PUS10: variants seen among roughly 807,000 people sequenced by gnomAD.
PUS10 encodes pseudouridine synthase 10.
Under a neutral mutation model 75.0 loss-of-function variants are expected in PUS10, and 59 were observed. The observed-to-expected ratio is 0.79, with a 90% CI of 0.64 to 0.98. PUS10 has a LOEUF of 0.98. Ranked by LOEUF, PUS10 falls within the 50% of genes least tolerant of loss-of-function variation. PUS10 has a pLI of 0.00. For missense variants in PUS10, 650 were observed against 614.4 expected, an observed-to-expected ratio of 1.06 and a Z score of -0.61; for synonymous variants, 219 against 211.6, an observed-to-expected ratio of 1.03 and a Z score of -0.30.
chr2:60,976,849 T>C (rs1225628044), intron 4 of PUS10, among the ~76,000 whole-genome samples: 1 of 152,218 alleles, frequency 6.6e-6, no homozygotes, highest in African/African-American at 2.4e-5. Context: ...TGATAAATGT[T>C]CTGTCCCTTA....
chr2:60,971,594 G>A (rs1005504603), intron 4 of PUS10, 37 bp from the exon 5 acceptor site: 4 of 1,596,280 alleles, frequency 2.5e-6, no homozygotes, highest in African/African-American at 2.7e-5. Context: ...AAGAGAAAAG[G>A]GGGAAACATG....
At chr2:61,001,422 G>T (rs1042109783) in intron 4 of PUS10, among the ~76,000 whole-genome samples, 1 of 151,936 alleles carries the variant, frequency 6.6e-6, no homozygotes, top group African/African-American at 2.4e-5. Flanking sequence ...GACTACAGGT[G>T]CACACCACCA....
chr2:61,007,122 T>A (rs1240984350), intron 3 of PUS10, among the ~76,000 whole-genome samples: 1 of 151,942 alleles, frequency 6.6e-6, no homozygotes, highest in Non-Finnish European at 1.5e-5. Context: ...TTTTCTTCAA[T>A]TAAATAGCAC....
In PUS10 at chr2:60,942,260, A is replaced by G. The variant is rs1674663326; in HGVS notation, c.*135T>C. On this transcript the variant is annotated 3_prime_UTR_variant, in exon 18 of 18. Coordinates refer to ENST00000316752, the MANE Select transcript of PUS10 (RefSeq NM_144709.4). Reference sequence around the variant, plus strand: ...CCTGAGATGTTACAACAAATTAACAATTATATAGATCAACATGATCCAAAT... The same window carrying G: ...CCTGAGATGTTACAACAAATTAACAGTTATATAGATCAACATGATCCAAAT... The G allele has an allele frequency of 1.4e-6, 1 of 735,502 alleles. No homozygotes were observed. The highest frequency in any genetic ancestry group is 2.5e-5 in the East Asian group (1 of 40,656). The allele number at this position is 735,502 out of a possible 1,614,324, so 45.6% of individuals were successfully genotyped here. A position where few individuals can be genotyped will look rare whatever the true frequency, so the allele number is the denominator to read the frequency against.
chr2:60,983,580 G>A (rs1158884162), intron 4 of PUS10, among the ~76,000 whole-genome samples: 1 of 151,944 alleles, frequency 6.6e-6, no homozygotes, highest in Non-Finnish European at 1.5e-5. Flanking sequence ...AGAAAGCTGA[G>A]GCAGGAGAAT....
chr2:60,960,167 A>AG (rs1303208817), intron 11 of PUS10, among the ~76,000 whole-genome samples: 4 of 149,904 alleles, frequency 2.7e-5, no homozygotes, highest in African/African-American at 9.9e-5. Flanking sequence ...AAAAAAAAAA[A>AG]AAGAGAGAGA....
At chr2:60,961,996 C>T (rs1363674915) in intron 9 of PUS10, among the ~76,000 whole-genome samples, 2 of 152,298 alleles carry the variant, frequency 1.3e-5, no homozygotes, top group Non-Finnish European at 2.9e-5. Flanking sequence ...AGAAAACTTA[C>T]AGTAATATTT....
At chr2:60,971,865 C>CTTTTTT (rs756222357) in intron 4 of PUS10, among the ~76,000 whole-genome samples, 51 of 99,594 alleles carry the variant, frequency 5.1e-4, no homozygotes, top group Non-Finnish European at 6.0e-4. Flanking sequence ...TCTTTCTTCT[C>CTTTTTT]TTTTTTTTTT....
rs1680105284 is a variant in PUS10 at position 61,017,776 on chromosome 2, C to T, written c.-16+232G>A. On this transcript the variant is annotated intron_variant, in intron 1 of 17. Transcript: ENST00000316752. ...GCGGAGGAGATGGCGTCCCAGCCGC[C>T]ACCTCCCCCCAAACCCTGGGAGACC... 4 of 1,549,956 alleles carry T rather than the reference C, an allele frequency of 2.6e-6. No homozygotes were observed. The South Asian group carries it at 3.6e-5, about 14-fold the overall frequency.
intron 4 of PUS10, among the ~76,000 whole-genome samples, chr2:60,985,293 A>T (rs1458896450): frequency 2.6e-5 from 4 of 152,150 alleles, no homozygotes; most frequent in African/African-American, 9.7e-5. Context: ...ATATTATCTA[A>T]TAGGTTGAGG....
chr2:60,954,997 G>T, intron 12 of PUS10, 21 bp downstream of exon 12: 1 of 1,489,978 alleles, frequency 6.7e-7, no homozygotes, highest in South Asian at 1.2e-5. Flanking sequence ...TTCTAATCAG[G>T]TGATGCTGTT....
Position 60,971,663 on chromosome 2 carries a change from C to G in PUS10, c.469-106G>C, listed in dbSNP as rs1306403832. 9 of 1,054,180 alleles carry G rather than the reference C, an allele frequency of 8.5e-6. No individual in the cohort carries two copies. In the Admixed American group the frequency reaches 1.3e-4, roughly 15 times the overall value. 65.3% of individuals were successfully genotyped at this position (1,054,180 alleles called of 1,614,324 possible). ...AGTGCTTAACTATTTGCTAATCAAA[C>G]TCCCCTTTTTAGGTGACGAGTTAGT... is the stretch of plus-strand genomic sequence containing the variant. On this transcript the variant is annotated intron_variant, in intron 4 of 17. Transcript: ENST00000316752.
At chr2:60,960,568 G>A (rs776598524) in intron 10 of PUS10, 51 bp from the exon 11 acceptor site, 1 of 1,511,754 alleles carries the variant, frequency 6.6e-7, no homozygotes, top group Admixed American at 2.5e-5. Flanking sequence ...AATTAACATG[G>A]TAGGATAAAA....
At chr2:60,988,246 C>A (rs1677846841) in intron 4 of PUS10, among the ~76,000 whole-genome samples, 1 of 152,072 alleles carries the variant, frequency 6.6e-6, no homozygotes, top group African/African-American at 2.4e-5. Flanking sequence ...TCCTCCATTA[C>A]ATAACCTTAA....
At chr2:61,000,212 T>G (rs1173945692) in intron 4 of PUS10, among the ~76,000 whole-genome samples, 1 of 152,164 alleles carries the variant, frequency 6.6e-6, no homozygotes, top group East Asian at 1.9e-4. Flanking sequence ...AATTCCTCTT[T>G]TATAAGGAAG....
In PUS10 at chr2:60,942,449, GA is replaced by G; in HGVS notation, c.1552-17del. ...CATCTACAGACTAGAAGGGAGAAAA[GA>G]AGTCATTAAAACAGATATTACTGTT... On this transcript the variant is annotated splice_polypyrimidine_tract_variant and intron_variant, in intron 17 of 17. Transcript: ENST00000316752. 2.5e-6 allele frequency: 4 copies of G among 1,604,762 alleles called. No homozygotes were observed. The highest frequency in any genetic ancestry group is 3.4e-6 in the Non-Finnish European group (4 of 1,171,532).
Position 60,954,145 on chromosome 2 carries a change from T to C in PUS10, c.1071A>G (p.Ala357=). 1 of 1,614,164 alleles carries C rather than the reference T, an allele frequency of 6.2e-7. No individual in the cohort carries two copies. Among genetic ancestry groups the C allele is most frequent in the East Asian group, 2.2e-5 (1 of 44,888 alleles). Residue 357 remains alanine, a synonymous_variant, in exon 13 of 18, where the codon GCA becomes GCG. Transcript: ENST00000316752. ...VRTLGNGRPF[A]IELVNPHRVH... ...CTCTATGAGGATTCACCAGCTCAAT[T>C]GCAAAGGGCCTTCCTGGCAGCACAC...
intron 17 of PUS10, among the ~76,000 whole-genome samples, chr2:60,942,958 GA>G (rs1674706001): frequency 6.6e-6 from 1 of 151,138 alleles, no homozygotes; most frequent in Admixed American, 6.6e-5. Context: ...TTGAGCCCAG[GA>G]GGCAGAGGTT....
At chr2:60,954,229 G>T (rs1675518304) in intron 12 of PUS10, 71 bp from the exon 13 acceptor site, 2 of 1,452,688 alleles carry the variant, frequency 1.4e-6, no homozygotes, top group Non-Finnish European at 1.9e-6. Flanking sequence ...ATGCAAGAGG[G>T]TTAGGAGGTG....
Sources: allele counts gnomAD v4.1 joint callset (sites outside exome capture counted in the v4.1 genomes callset), GRCh38; gene constraint gnomAD v4.1.1; transcripts MANE v1.5; gene names NCBI Gene and HGNC (gene_info 2026-07-23, HGNC 2026-07-21).